Variants in GRIK5 observed in about 807,000 individuals in gnomAD.
GRIK5 encodes glutamate receptor ionotropic, kainate 5.
GRIK5 carries 43 observed loss-of-function variants against 97.4 expected under a neutral mutation model. The observed-to-expected ratio is 0.44, with a 90% confidence interval of 0.35 to 0.57. GRIK5 has a LOEUF of 0.57. GRIK5 is among the 20% of genes least tolerant of loss of function. The pLI, the probability that GRIK5 is intolerant of heterozygous loss-of-function variation, is 0.01. For synonymous variants in GRIK5, 580 were observed against 583.5 expected (o/e 0.99, Z 0.09); for missense variants, 1,015 against 1,382.0 (o/e 0.73, Z 4.21).
At position 42,063,925 on chromosome 19, in the gene GRIK5, A is replaced by T. The variant is rs575109511; in HGVS notation, c.245-1070T>A. On this transcript the variant is annotated intron_variant, in intron 3 of 19. Coordinates refer to ENST00000593562, the MANE Select transcript of GRIK5 (RefSeq NM_002088.5). ...CTCTAACTAAAGGCATCATAACTCA[A>T]CACCTCATTTCCTCCAAACTGGCTC... Among the ~76,000 whole-genome samples the T allele has an allele frequency of 1.2e-4, 18 of 152,288 alleles. No homozygotes were observed. In the South Asian group the frequency reaches 2.7e-3, roughly 23 times the overall value.
chr19:42,069,696 C>T lies in GRIK5; in HGVS notation c.-506G>A, dbSNP rs1599867001. 2.2e-5 allele frequency among the ~76,000 whole-genome samples: 3 copies of T among 136,852 alleles called. No homozygotes were observed. Among genetic ancestry groups the T allele is most frequent in the Non-Finnish European group, 4.6e-5 (3 of 64,904 alleles). The allele number at this position is 136,852 out of a possible 152,430, so 89.8% of individuals were successfully genotyped here. Reference sequence around the variant, plus strand: ...GAGGACTGGGTGGAGAAAAGGAAGCCGGCCATCAGGAGAAGTGGGGGAGGG... The same window carrying T: ...GAGGACTGGGTGGAGAAAAGGAAGCTGGCCATCAGGAGAAGTGGGGGAGGG... On this transcript the variant is annotated 5_prime_UTR_variant, in exon 1 of 20. Transcript: ENST00000593562.
At chr19:42,016,723 A>G (rs1158807468) in intron 15 of GRIK5, among the ~76,000 whole-genome samples, 11 of 152,220 alleles carry the variant, frequency 7.2e-5, no homozygotes. Flanking sequence ...TGCGCATAGC[A>G]TGGGAAGTCC....
intron 11 of GRIK5, among the ~76,000 whole-genome samples, chr19:42,049,112 G>A (rs2076080438): frequency 6.6e-6 from 1 of 152,094 alleles, no homozygotes; most frequent in Non-Finnish European, 1.5e-5. Flanking sequence ...TGATCATTAG[G>A]GAAATGCAAA....
Position 42,059,510 on chromosome 19 carries a change from C to T in GRIK5, c.526G>A (p.Glu176Lys), listed in dbSNP as rs201724297. 1.3e-4 allele frequency: 203 copies of T among 1,612,980 alleles called. 1 individual carries two copies. In the East Asian group the frequency reaches 4.3e-3, roughly 35 times the overall value. ...AKAECLLRLE[E>K]LVRGFLISKE... ...GAGATGAGGAAGCCACGCACCAGTT[C>T]CTCCAATCGCAGCAGGCCTGAGGGA... The change falls in exon 6 of 20, where the codon GAA becomes AAA. Residue 176 changes from glutamate (E) to lysine (K), a missense_variant. Around this residue, in one of 5 missense-constraint regions of GRIK5, gnomAD observed 477 missense variants for 701.1 expected, o/e 0.68. Transcript: ENST00000593562.
rs747987626 is a variant in GRIK5, at chr19:42,021,267, C to T, written c.1871+34G>A. 1.4e-5 allele frequency: 22 copies of T among 1,584,500 alleles called. No homozygotes were observed. Among genetic ancestry groups the T allele is most frequent in the Admixed American group, 1.7e-5 (1 of 57,746 alleles). ...CCAGGCCTCAGATGGGTCCCTCCCT[C>T]GCCCCGGGCAGAGGCAGATAGAAAG... On this transcript the variant is annotated intron_variant, in intron 15 of 19. Coordinates refer to ENST00000593562, the MANE Select transcript of GRIK5 (RefSeq NM_002088.5). This position sits in a 1 kb window ranked among gnomAD's most constrained non-coding sequence, Gnocchi z 4.2.
rs770190222 is a variant in GRIK5, at chr19:42,053,726, GT to G, written c.1162-18del. On this transcript the variant is annotated intron_variant, in intron 10 of 19. Transcript: ENST00000593562. ...CACCCCAATCTAGGGGGCAGAGAGG[GT>G]GCTGTCAGCTCAGGCCCTGCCTGAG... 1 of 1,573,976 alleles carries G rather than the reference GT, an allele frequency of 6.4e-7. No individual in the cohort carries two copies. The highest frequency in any genetic ancestry group is 8.7e-7 in the Non-Finnish European group (1 of 1,143,518).
rs782281396 is a variant in GRIK5, at chr19:41,999,093, C to T, written c.2721G>A (p.Gln907=). 2.2e-4 allele frequency: 299 copies of T among 1,342,140 alleles called. 2 individuals carry two copies. The highest frequency in any genetic ancestry group is 4.9e-5 in the Non-Finnish European group (52 of 1,052,764). 83.1% of individuals were successfully genotyped at this position (1,342,140 alleles called of 1,614,324 possible). The change falls in exon 20 of 20, where the codon CAG becomes CAA. Residue 907 remains glutamine, a synonymous_variant. Coordinates refer to ENST00000593562, the MANE Select transcript of GRIK5 (RefSeq NM_002088.5). The surrounding 1 kb of genome is among the most constrained non-coding windows in gnomAD (Gnocchi z 5.0). ...GDAGSAHGGP[Q]RLLDDPGPPS... is the part of the protein sequence containing the mutation. Reference sequence around the variant, plus strand: ...GGGGCCCCGGGTCGTCCAGGAGGCGCTGCGGGCCCCCGTGCGCGCTGCCCG... The same window carrying T: ...GGGGCCCCGGGTCGTCCAGGAGGCGTTGCGGGCCCCCGTGCGCGCTGCCCG...
chr19:42,051,453 C>T (rs987419093), intron 11 of GRIK5, among the ~76,000 whole-genome samples: 2 of 152,126 alleles, frequency 1.3e-5, no homozygotes, highest in Admixed American at 6.5e-5. Context: ...GATCTGGCCC[C>T]GCCCCTTCCT....
Position 42,022,094 on chromosome 19 carries a change from GC to G in GRIK5, c.1588-39del. On this transcript the variant is annotated intron_variant, in intron 13 of 19. Transcript: ENST00000593562. The surrounding 1 kb of genome is among the most constrained non-coding windows in gnomAD (Gnocchi z 4.2). ...GGAGTGAGACCCGGAGACACCCCTG[GC>G]CTGAGCCTCACACCCAGCCCCTGCC... 6.6e-7 allele frequency: 1 copy of G among 1,504,718 alleles called. No individual in the cohort carries two copies. The allele number at this position is 1,504,718 out of a possible 1,614,324, so 93.2% of individuals were successfully genotyped here.
Position 42,054,658 on chromosome 19 carries a change from G to C in GRIK5, c.904-186C>G, listed in dbSNP as rs186597046. On this transcript the variant is annotated intron_variant, in intron 8 of 19. Coordinates refer to ENST00000593562, the MANE Select transcript of GRIK5 (RefSeq NM_002088.5). The stretch of plus-strand genomic sequence containing the variant: ...TTTCTTGGGAAGTGGAATTGACAGC[G>C]GGGAAGGTGTGTGTGCTTCCCATGT... Among the ~76,000 whole-genome samples, 115 of 152,252 alleles carry C rather than the reference G, an allele frequency of 7.6e-4. 1 individual carries two copies. Among genetic ancestry groups the C allele is most frequent in the Middle Eastern group, 3.4e-3 (1 of 294 alleles).
At position 42,002,413 on chromosome 19, in the gene GRIK5, C is replaced by T. The variant is rs1002221784; in HGVS notation, c.2514+919G>A. 26 of 717,580 alleles carry T rather than the reference C, an allele frequency of 3.6e-5. No individual in the cohort carries two copies. Among genetic ancestry groups the T allele is most frequent in the Admixed American group, 1.8e-4 (9 of 50,014 alleles). The allele number at this position is 717,580 out of a possible 1,614,324, so 44.5% of individuals were successfully genotyped here. ...CTGCAGGAGGAAAGGACAGACTTGC[C>T]GGAGGGATGTCCTTGAGAAGGCAAC... On this transcript the variant is annotated intron_variant, in intron 19 of 19. Transcript: ENST00000593562. The surrounding 1 kb of genome is among the most constrained non-coding windows in gnomAD (Gnocchi z 5.2).
At chr19:42,025,825 G>A (rs1423515914) in intron 12 of GRIK5, among the ~76,000 whole-genome samples, 1 of 152,158 alleles carries the variant, frequency 6.6e-6, no homozygotes, top group African/African-American at 2.4e-5. Flanking sequence ...CTTAGATTCT[G>A]CAACGGGCTG....
At chr19:42,064,075 C>T (rs1024910229) in intron 3 of GRIK5, among the ~76,000 whole-genome samples, 2 of 152,114 alleles carry the variant, frequency 1.3e-5, no homozygotes, top group South Asian at 2.1e-4. Flanking sequence ...TCTTCTTTGT[C>T]CTCAAATTTC....
At chr19:42,029,006 G>A (rs950970333) in intron 12 of GRIK5, among the ~76,000 whole-genome samples, 1 of 152,168 alleles carries the variant, frequency 6.6e-6, no homozygotes, top group Non-Finnish European at 1.5e-5. Context: ...CAAAGAAGGA[G>A]GATTGCTTGA....
At position 42,008,002 on chromosome 19, in the gene GRIK5, ATT is replaced by A. The variant is rs2075514022; in HGVS notation, c.1872-1194_1872-1193del. ...TTATAAATACTCTGTAAAAAAATAT[ATT>A]CAGCAATGTAAACAATGTCTGTTAT... On this transcript the variant is annotated intron_variant, in intron 15 of 19. Transcript: ENST00000593562. 2.0e-5 allele frequency among the ~76,000 whole-genome samples: 3 copies of A among 152,214 alleles called. No individual in the cohort carries two copies. The South Asian group carries it at 6.2e-4, about 32-fold the overall frequency.
At chr19:42,059,267 G>A in intron 6 of GRIK5, 82 bp downstream of exon 6, 1 of 1,062,918 alleles carries the variant, frequency 9.4e-7, no homozygotes, top group Non-Finnish European at 1.4e-6. Context: ...GACTCCTGAG[G>A]CCCATGGGCA....
rs1465253458 is a variant in GRIK5, at chr19:42,002,928, G to A, written c.2514+404C>T. On this transcript the variant is annotated intron_variant, in intron 19 of 19. Coordinates refer to ENST00000593562, the MANE Select transcript of GRIK5 (RefSeq NM_002088.5). This position sits in a 1 kb window ranked among gnomAD's most constrained non-coding sequence, Gnocchi z 5.2. ...TTTTTGTATTTTTAGTAGAGATGGG[G>A]TTTCACCATGTTGGCCAGGCTGATC... Among the ~76,000 whole-genome samples, 2 of 152,070 alleles carry A rather than the reference G, an allele frequency of 1.3e-5. No individual in the cohort carries two copies. The highest frequency in any genetic ancestry group is 4.1e-4 in the South Asian group (2 of 4,824).
intron 3 of GRIK5, chr19:42,063,407 G>T: frequency 2.2e-6 from 1 of 455,698 alleles, no homozygotes; most frequent in Non-Finnish European, 4.4e-6. Flanking sequence ...TCTCATGGCA[G>T]AACCCTAACT....
At chr19:42,051,265 T>C (rs2076113046) in intron 11 of GRIK5, among the ~76,000 whole-genome samples, 1 of 152,028 alleles carries the variant, frequency 6.6e-6, no homozygotes. Context: ...AGCTTCCCCA[T>C]GGGGCCTCTC....
Sources: allele counts gnomAD v4.1 joint callset (sites outside exome capture counted in the v4.1 genomes callset), GRCh38; gene constraint gnomAD v4.1.1; regional missense constraint gnomAD v4.1.1; non-coding constraint Gnocchi (gnomAD v3.1); transcripts MANE v1.5; gene names NCBI Gene and HGNC (gene_info 2026-07-23, HGNC 2026-07-21).